CHERP: variants seen among roughly 807,000 people sequenced by gnomAD.
CHERP encodes the protein ERPROT 213-21.
A neutral mutation model predicts 113.8 loss-of-function variants in CHERP; 8 were observed. The ratio of observed to expected loss-of-function variants is 0.07; its 90% CI spans 0.04 to 0.13. The LOEUF is 0.13. Ranked by LOEUF, CHERP falls within the 10% of genes least tolerant of loss-of-function variation. The probability of loss-of-function intolerance (pLI) is 1.00; values close to 1 mark genes in which losing one functional copy is unlikely to be tolerated. For synonymous variants in CHERP, 559 were observed against 524.5 expected (o/e 1.07, Z -0.90); for missense variants, 884 against 1,298.2 (o/e 0.68, Z 4.90).
Position 16,519,870 on chromosome 19 carries a change from T to C in CHERP, c.2463-155A>G. ...TGCGTCTCTACCCGTTTATCCTGTCTCAGCTAGATAAGGGGGCTCCAGACG... is the reference window on the plus strand; with the variant it reads ...TGCGTCTCTACCCGTTTATCCTGTCCCAGCTAGATAAGGGGGCTCCAGACG... On this transcript the variant is annotated intron_variant, in intron 15 of 16. Transcript: ENST00000546361. This position sits in a 1 kb window ranked among gnomAD's most constrained non-coding sequence, Gnocchi z 6.0. 3 of 734,110 alleles carry C rather than the reference T, an allele frequency of 4.1e-6. No individual in the cohort carries two copies. Among genetic ancestry groups the C allele is most frequent in the South Asian group, 1.6e-5 (1 of 61,610 alleles). 45.5% of individuals were successfully genotyped at this position (734,110 alleles called of 1,614,324 possible).
chr19:16,527,340 C>T (rs1277414174), intron 9 of CHERP, among the ~76,000 whole-genome samples: 1 of 152,210 alleles, frequency 6.6e-6, no homozygotes, highest in Non-Finnish European at 1.5e-5. Context: ...TTGTGAGGTT[C>T]AATTTCGTGT....
At chr19:16,537,561 C>T (rs2085749833) in intron 2 of CHERP, among the ~76,000 whole-genome samples, 1 of 152,242 alleles carries the variant, frequency 6.6e-6, no homozygotes, top group South Asian at 2.1e-4. Flanking sequence ...CTGTGCTCCC[C>T]GCACCATGGT....
rs966260552 is a variant in CHERP at position 16,519,573 on chromosome 19, AGCACGC to A, written c.2557+42_2557+47del. The A allele has an allele frequency of 6.6e-7, 1 of 1,517,234 alleles. No homozygotes were observed. Among genetic ancestry groups the A allele is most frequent in the Non-Finnish European group, 9.2e-7 (1 of 1,092,734 alleles). 94.0% of individuals were successfully genotyped at this position (1,517,234 alleles called of 1,614,324 possible). A position where few individuals can be genotyped will look rare whatever the true frequency, so the allele number is the denominator to read the frequency against. On this transcript the variant is annotated intron_variant, in intron 16 of 16. Transcript: ENST00000546361. This position sits in a 1 kb window ranked among gnomAD's most constrained non-coding sequence, Gnocchi z 6.0. ...GAAAGCGCTGGTGACTCCCGGGCCC[AGCACGC>A]GTGAGGACCCATCCCGCGCCCTCCC...
Position 16,530,714 on chromosome 19 carries a change from G to A in CHERP, c.787-40C>T. 6.2e-7 allele frequency: 1 copy of A among 1,614,006 alleles called. No individual in the cohort carries two copies. Among genetic ancestry groups the A allele is most frequent in the Non-Finnish European group, 8.5e-7 (1 of 1,179,902 alleles). The stretch of plus-strand genomic sequence containing the variant: ...AGAGAGAGGCCGGGTCAGTGGGGAG[G>A]GGAAAGGCCTGTGTGTCCCGGTCTT... On this transcript the variant is annotated intron_variant, in intron 6 of 16. Transcript: ENST00000546361. The surrounding 1 kb of genome is among the most constrained non-coding windows in gnomAD (Gnocchi z 4.1).
intron 11 of CHERP, among the ~76,000 whole-genome samples, chr19:16,522,264 C>T (rs2085623139): frequency 6.6e-6 from 1 of 151,626 alleles, no homozygotes; most frequent in Non-Finnish European, 1.5e-5. Context: ...TCCCCAACCC[C>T]CCCTTTTTTT....
In CHERP at chr19:16,532,452, G is replaced by C; in HGVS notation, c.674+146C>G. 1 of 975,480 alleles carries C rather than the reference G, an allele frequency of 1.0e-6. No individual in the cohort carries two copies. Among genetic ancestry groups the C allele is most frequent in the Non-Finnish European group, 1.5e-6 (1 of 681,552 alleles). The allele number at this position is 975,480 out of a possible 1,614,324, so 60.4% of individuals were successfully genotyped here. On this transcript the variant is annotated intron_variant, in intron 5 of 16. Transcript: ENST00000546361. This position sits in a 1 kb window ranked among gnomAD's most constrained non-coding sequence, Gnocchi z 4.4. ...AGACAGAAGCCTGGTGGCTCACAGAGACCCCCCACCCGGGGTCCCCGGACA... is the reference window on the plus strand; with the variant it reads ...AGACAGAAGCCTGGTGGCTCACAGACACCCCCCACCCGGGGTCCCCGGACA...
intron 2 of CHERP, among the ~76,000 whole-genome samples, chr19:16,539,173 A>T (rs912122174): frequency 8.1e-6 from 1 of 123,138 alleles, no homozygotes; most frequent in Non-Finnish European, 1.6e-5. Context: ...TTTGAGACGG[A>T]GTCTCGCTCT....
At position 16,527,906 on chromosome 19, in the gene CHERP, T is replaced by C. The variant is rs151093999; in HGVS notation, c.1305+174A>G. 2.7e-3 allele frequency among the ~76,000 whole-genome samples: 405 copies of C among 152,332 alleles called. 2 individuals are homozygous for C. Among genetic ancestry groups the C allele is most frequent in the African/African-American group, 8.4e-3 (351 of 41,582 alleles). ...GGACGTGAAGACCTGTCACTTGACC[T>C]GTCCCGGAGCCACAGGAAGACAGGG... is the stretch of plus-strand genomic sequence containing the variant. On this transcript the variant is annotated intron_variant, in intron 9 of 16. Transcript: ENST00000546361.
At position 16,523,451 on chromosome 19, in the gene CHERP, G is replaced by A. The variant is rs547179827; in HGVS notation, c.1742-161C>T. 8.5e-5 allele frequency among the ~76,000 whole-genome samples: 13 copies of A among 152,076 alleles called. No individual in the cohort carries two copies. The highest frequency in any genetic ancestry group is 1.3e-4 in the Non-Finnish European group (9 of 67,998). On this transcript the variant is annotated intron_variant, in intron 10 of 16. Coordinates refer to ENST00000546361, the MANE Select transcript of CHERP (RefSeq NM_006387.6). This position sits in a 1 kb window ranked among gnomAD's most constrained non-coding sequence, Gnocchi z 4.0. ...GCTTAAGACCAGGCAGCAAGGCACC[G>A]AGGAGCCAGGCTCCGAGGGGCCTGT...
intron 11 of CHERP, among the ~76,000 whole-genome samples, 163 bp from the exon 12 acceptor site, chr19:16,521,817 G>A (rs909956230): frequency 6.6e-6 from 1 of 152,160 alleles, no homozygotes; most frequent in Non-Finnish European, 1.5e-5. Flanking sequence ...CCACTCTCTT[G>A]TAGGACCTCA....
chr19:16,525,269 C>T lies in CHERP; in HGVS notation c.1714G>A (p.Asp572Asn), dbSNP rs2085649277. ...FERPPYPHRF[D>N]YPQGDFPAEM... is the part of the protein sequence containing the mutation. Reference sequence around the variant, plus strand: ...GCAGGGAAGTCCCCCTGGGGGTAGTCGAAGCGGTGGGGATAGGGCGGCCGC... The same window carrying T: ...GCAGGGAAGTCCCCCTGGGGGTAGTTGAAGCGGTGGGGATAGGGCGGCCGC... The change falls in exon 10 of 17, where the codon GAC (aspartate) becomes AAC (asparagine). Residue 572 changes from aspartate to asparagine, a missense_variant. This residue lies in a region of CHERP where 464 missense variants were observed against 590.1 expected (regional missense o/e 0.79). Coordinates refer to ENST00000546361, the MANE Select transcript of CHERP (RefSeq NM_006387.6). This position sits in a 1 kb window ranked among gnomAD's most constrained non-coding sequence, Gnocchi z 6.5. 4 of 1,433,184 alleles carry T rather than the reference C, an allele frequency of 2.8e-6. No homozygotes were observed. Among genetic ancestry groups the T allele is most frequent in the Non-Finnish European group, 3.7e-6 (4 of 1,091,474 alleles). The allele number at this position is 1,433,184 out of a possible 1,614,324, so 88.8% of individuals were successfully genotyped here.
chr19:16,529,625 G>A, intron 8 of CHERP, 23 bp downstream of exon 8: 1 of 1,532,968 alleles, frequency 6.5e-7, no homozygotes. Flanking sequence ...CTGGGGGCAG[G>A]CTGAGCTGAG....
chr19:16,525,483 G>T lies in CHERP; in HGVS notation c.1500C>A (p.His500Gln), dbSNP rs983753121. The T allele has an allele frequency of 6.4e-7, 1 of 1,553,034 alleles. No individual in the cohort carries two copies. Among genetic ancestry groups the T allele is most frequent in the African/African-American group, 1.4e-5 (1 of 73,150 alleles). The change falls in exon 10 of 17, where the codon CAC becomes CAA. Residue 500 changes from histidine to glutamine, a missense_variant. His to Gln is a conservative substitution (Grantham distance 24). Coordinates refer to ENST00000546361, the MANE Select transcript of CHERP (RefSeq NM_006387.6). The surrounding 1 kb of genome is among the most constrained non-coding windows in gnomAD (Gnocchi z 6.5). ...SQFEGPWNSQ[H>Q]EQPPWGGGQR... ...GGCCCCCGCCCCAGGGCGGCTGCTCGTGCTGGCTGTTCCAGGGGCCCTCGA... is the reference window on the plus strand; with the variant it reads ...GGCCCCCGCCCCAGGGCGGCTGCTCTTGCTGGCTGTTCCAGGGGCCCTCGA...
At position 16,520,067 on chromosome 19, in the gene CHERP, T is replaced by C; in HGVS notation, c.2462+82A>G. 1.0e-5 allele frequency: 15 copies of C among 1,440,912 alleles called. No homozygotes were observed. The highest frequency in any genetic ancestry group is 1.4e-5 in the Non-Finnish European group (14 of 1,035,690). The allele number at this position is 1,440,912 out of a possible 1,614,324, so 89.3% of individuals were successfully genotyped here. The stretch of plus-strand genomic sequence containing the variant: ...CTGGCGGCCTCCTAACACAGTCTCC[T>C]AACCACCAATGTTTCCACATTCACA... On this transcript the variant is annotated intron_variant, in intron 15 of 16. Coordinates refer to ENST00000546361, the MANE Select transcript of CHERP (RefSeq NM_006387.6). This position sits in a 1 kb window ranked among gnomAD's most constrained non-coding sequence, Gnocchi z 4.0.
chr19:16,520,679 G>GC lies in CHERP; in HGVS notation c.2201+146_2201+147insG, dbSNP rs2085604792. On this transcript the variant is annotated intron_variant, in intron 13 of 16. Coordinates refer to ENST00000546361, the MANE Select transcript of CHERP (RefSeq NM_006387.6). The surrounding 1 kb of genome is among the most constrained non-coding windows in gnomAD (Gnocchi z 4.0). ...AAATAGTGTGGCCGAGCCTGCTGCT[G>GC]TGTGAATTCAGGCCTTGTGGAAAAC... The GC allele has an allele frequency of 8.9e-7, 1 of 1,129,354 alleles. No individual in the cohort carries two copies. Among genetic ancestry groups the GC allele is most frequent in the Non-Finnish European group, 1.3e-6 (1 of 766,564 alleles). The allele number at this position is 1,129,354 out of a possible 1,614,324, so 70.0% of individuals were successfully genotyped here. A position where few individuals can be genotyped will look rare whatever the true frequency, so the allele number is the denominator to read the frequency against.
chr19:16,525,116 C>A lies in CHERP; in HGVS notation c.1741+126G>T. The A allele has an allele frequency of 3.1e-6, 3 of 963,946 alleles. No homozygotes were observed. The highest frequency in any genetic ancestry group is 1.4e-6 in the Non-Finnish European group (1 of 716,496). The allele number at this position is 963,946 out of a possible 1,614,324, so 59.7% of individuals were successfully genotyped here. On this transcript the variant is annotated intron_variant, in intron 10 of 16. Coordinates refer to ENST00000546361, the MANE Select transcript of CHERP (RefSeq NM_006387.6). This position sits in a 1 kb window ranked among gnomAD's most constrained non-coding sequence, Gnocchi z 6.5. ...CCCAGGCCGGGCTCCTCGGACGTCC[C>A]ATGACCCTGTGTCTGTCACTGTGCA... is the stretch of plus-strand genomic sequence containing the variant.
At chr19:16,529,621 G>T in intron 8 of CHERP, 27 bp downstream of exon 8, 1 of 1,531,414 alleles carries the variant, frequency 6.5e-7, no homozygotes. Context: ...TTTCCTGGGG[G>T]CAGGCTGAGC....
rs768121192 is a variant in CHERP at position 16,520,491 on chromosome 19, G to A, written c.2218C>T (p.Arg740Trp). Residue 740 changes from arginine (R) to tryptophan (W), a missense_variant, in exon 14 of 17, where the codon CGG becomes TGG. Arg to Trp is a moderately radical substitution (Grantham distance 101). Around this residue, in one of 8 missense-constraint regions of CHERP, gnomAD observed 159 missense variants for 185.8 expected, o/e 0.86. Transcript: ENST00000546361. This position sits in a 1 kb window ranked among gnomAD's most constrained non-coding sequence, Gnocchi z 4.0. ...EKRNSGPSRS[R>W]SRSKSRGRSS... is the part of the protein sequence containing the mutation. ...CGCCCTCGACTCTTGGATCTGCTCC[G>A]AGACCTCGAGGGTCCGCTGTGGGGA... 5.6e-6 allele frequency: 9 copies of A among 1,613,616 alleles called. No homozygotes were observed. The highest frequency in any genetic ancestry group is 2.2e-5 in the East Asian group (1 of 44,876).
At chr19:16,527,083 T>C (rs2085661939) in intron 9 of CHERP, among the ~76,000 whole-genome samples, 1 of 152,220 alleles carries the variant, frequency 6.6e-6, no homozygotes, top group Non-Finnish European at 1.5e-5. Context: ...TTTCTCAGTG[T>C]GGACTGCAGG....
Sources: gnomAD v4.1 joint callset for allele counts (sites outside exome capture counted in the v4.1 genomes callset) on GRCh38, gnomAD v4.1.1 for gene constraint, gnomAD v4.1.1 regional missense constraint, Gnocchi (gnomAD v3.1) non-coding constraint, MANE v1.5 for transcripts, NCBI Gene and HGNC (gene_info 2026-07-23, HGNC 2026-07-21) for gene names.